Variants in BCKDHB observed in about 807,000 individuals in gnomAD.
BCKDHB encodes 2-oxoisovalerate dehydrogenase subunit beta, mitochondrial.
In BCKDHB, 41 loss-of-function variants were observed where a neutral mutation model predicts 48.5. That is an observed-to-expected ratio of 0.85 (90% CI 0.66 to 1.10). The LOEUF (loss-of-function observed/expected upper bound fraction) is 1.10. Ranked by LOEUF, BCKDHB falls within the 50% of genes least tolerant of loss-of-function variation. The pLI is 0.00. For synonymous variants in BCKDHB, 201 were observed against 174.8 expected (o/e 1.15, Z -1.18); for missense variants, 496 against 494.2 (o/e 1.00, Z -0.03).
Position 80,178,485 on chromosome 6 carries a change from G to A in BCKDHB, c.742+7095G>A, listed in dbSNP as rs187858948. On this transcript the variant is annotated intron_variant, in intron 6 of 9. Transcript: ENST00000320393. Reference sequence around the variant, plus strand: ...ACAGATACTTCTTTTGTCTTAATAGGTGAAGTAGGAACCCCCTCTATTTAC... The same window carrying A: ...ACAGATACTTCTTTTGTCTTAATAGATGAAGTAGGAACCCCCTCTATTTAC... 6.6e-5 allele frequency among the ~76,000 whole-genome samples: 10 copies of A among 152,290 alleles called. No individual in the cohort carries two copies. In the East Asian group the frequency reaches 1.7e-3, roughly 26 times the overall value.
chr6:80,198,481 T>C (rs1211554114), intron 6 of BCKDHB, among the ~76,000 whole-genome samples: 1 of 152,214 alleles, frequency 6.6e-6, no homozygotes, highest in Admixed American at 6.5e-5. Context: ...TTAAATGATA[T>C]TAAGCTCTCA....
At chr6:80,260,401 G>A (rs754472826) in intron 8 of BCKDHB, among the ~76,000 whole-genome samples, 25 of 152,098 alleles carry the variant, frequency 1.6e-4, no homozygotes, top group Non-Finnish European at 3.5e-4. Context: ...TGGGTCTCTT[G>A]AAACTGGAAA....
chr6:80,287,725 A>G (rs922510121), intron 9 of BCKDHB, among the ~76,000 whole-genome samples: 17 of 152,152 alleles, frequency 1.1e-4, no homozygotes, highest in Non-Finnish European at 1.9e-4. Flanking sequence ...TGTTTGTATA[A>G]GGTGGGAATT....
At chr6:80,331,848 A>C (rs1366589396) in intron 9 of BCKDHB, among the ~76,000 whole-genome samples, 1 of 152,172 alleles carries the variant, frequency 6.6e-6, no homozygotes, top group Admixed American at 6.5e-5. Flanking sequence ...TGCTGAAGTG[A>C]TTCACTTGAG....
In BCKDHB at chr6:80,167,738, G is replaced by C; in HGVS notation, c.404G>C (p.Gly135Ala). 1 of 1,612,964 alleles carries C rather than the reference G, an allele frequency of 6.2e-7. No homozygotes were observed. Among genetic ancestry groups the C allele is most frequent in the Non-Finnish European group, 8.5e-7 (1 of 1,179,038 alleles). The part of the protein sequence containing the change: ...CEQGIVGFGI[G>A]IAVTGATAIA... ...CAAGGAATTGTTGGATTTGGAATCGGAATTGCGGTCACTGGAGCTACTGCC... is the reference window on the plus strand; with the variant it reads ...CAAGGAATTGTTGGATTTGGAATCGCAATTGCGGTCACTGGAGCTACTGCC... Residue 135 changes from glycine (G) to alanine (A), a missense_variant, in exon 4 of 10, where the codon GGA becomes GCA. Physicochemically the swap from Gly to Ala is moderately conservative, Grantham distance 60. Transcript: ENST00000320393.
chr6:80,351,641 T>TTTC, the BCKDHB span, among the ~76,000 whole-genome samples: 7 of 76,698 alleles, frequency 9.1e-5, no homozygotes, highest in African/African-American at 1.8e-4. Context: ...GAATTTTTTT[T>TTTC]TTTCTTTTTT....
intron 3 of BCKDHB, among the ~76,000 whole-genome samples, chr6:80,132,880 CAT>C (rs1359085518): frequency 1.3e-5 from 2 of 152,128 alleles, no homozygotes; most frequent in Admixed American, 6.6e-5. Context: ...TAAAAAGTAA[CAT>C]ATACTTAAAA....
intron 9 of BCKDHB, among the ~76,000 whole-genome samples, chr6:80,294,719 T>G (rs1241500145): frequency 6.6e-6 from 1 of 152,288 alleles, no homozygotes; most frequent in East Asian, 1.9e-4. Flanking sequence ...GGGGAAGAAC[T>G]CCGCTCTGGT....
chr6:80,154,328 T>C (rs1374456290), intron 3 of BCKDHB, among the ~76,000 whole-genome samples: 2 of 152,200 alleles, frequency 1.3e-5, no homozygotes, highest in East Asian at 3.9e-4. Context: ...GTGATATTTT[T>C]TACTGGGTCA....
chr6:80,255,995 G>T (rs1455353656), intron 8 of BCKDHB, among the ~76,000 whole-genome samples: 2 of 152,014 alleles, frequency 1.3e-5, no homozygotes, highest in Admixed American at 6.5e-5. Context: ...ATTTACCTTT[G>T]GTTATTTCCC....
chr6:80,109,731 T>C (rs2127704503), intron 1 of BCKDHB, among the ~76,000 whole-genome samples: 1 of 152,372 alleles, frequency 6.6e-6, no homozygotes, highest in South Asian at 2.1e-4. Context: ...TCAGTATTTT[T>C]CCTATCAATA....
the BCKDHB span, among the ~76,000 whole-genome samples, chr6:80,392,550 C>T: frequency 7.3e-5 from 11 of 151,622 alleles, no homozygotes; most frequent in East Asian, 1.7e-3. Context: ...TTTGTATGCT[C>T]CTTATTGTTC....
chr6:80,129,138 A>G (rs752501814), intron 2 of BCKDHB, 23 bp from the exon 3 acceptor site: 2 of 1,484,274 alleles, frequency 1.3e-6, no homozygotes, highest in Admixed American at 1.7e-5. Context: ...AATAAAATGT[A>G]TTATTTAAAT....
At chr6:80,350,737 G>T (rs1283398455), downstream of BCKDHB, among the ~76,000 whole-genome samples, 1 of 152,100 alleles carries the variant, frequency 6.6e-6, no homozygotes, top group Non-Finnish European at 1.5e-5. Flanking sequence ...AGATTCAGTG[G>T]CTATAAAGAA....
intron 3 of BCKDHB, among the ~76,000 whole-genome samples, chr6:80,154,100 A>G (rs902696583): frequency 9.2e-5 from 14 of 152,072 alleles, no homozygotes; most frequent in African/African-American, 2.4e-4. Flanking sequence ...CTTCTTTTTC[A>G]TAAAACTTTG....
At chr6:80,439,896 C>T in the BCKDHB span, among the ~76,000 whole-genome samples, 1 of 151,828 alleles carries the variant, frequency 6.6e-6, no homozygotes, top group Non-Finnish European at 1.5e-5. Context: ...AGGCATACAA[C>T]AAAGCCATTA....
chr6:80,455,150 G>A, the BCKDHB span, among the ~76,000 whole-genome samples: 1 of 152,066 alleles, frequency 6.6e-6, no homozygotes, highest in African/African-American at 2.4e-5. Context: ...TAAAGACCAA[G>A]ACATATGTGT....
At chr6:80,224,511 G>T (rs1775597793) in intron 8 of BCKDHB, among the ~76,000 whole-genome samples, 1 of 151,930 alleles carries the variant, frequency 6.6e-6, no homozygotes, top group Non-Finnish European at 1.5e-5. Context: ...CCCGACTTCA[G>T]CCTTCTGAGT....
At chr6:80,110,297 G>C (rs1769345444) in intron 1 of BCKDHB, among the ~76,000 whole-genome samples, 1 of 152,172 alleles carries the variant, frequency 6.6e-6, no homozygotes, top group Non-Finnish European at 1.5e-5. Context: ...CTCTCTGCTA[G>C]CTGCTAAGGA....
Sources: gnomAD v4.1 joint callset for allele counts (sites outside exome capture counted in the v4.1 genomes callset) on GRCh38, gnomAD v4.1.1 for gene constraint, MANE v1.5 for transcripts, NCBI Gene and HGNC (gene_info 2026-07-23, HGNC 2026-07-21) for gene names.